The following TNFRSF8 variants were observed in gnomAD, a reference collection of about 807,000 sequenced individuals.
TNFRSF8 encodes tumor necrosis factor receptor superfamily member 8.
TNFRSF8 carries 26 observed loss-of-function variants against 70.8 expected under a neutral mutation model. The observed-to-expected ratio is 0.37, with a 90% CI of 0.27 to 0.51. The LOEUF (loss-of-function observed/expected upper bound fraction) is 0.51, where lower values mean the gene tolerates loss of function less well. TNFRSF8 is among the 20% of genes least tolerant of loss of function. TNFRSF8 has a pLI of 0.94. For synonymous variants in TNFRSF8, 356 were observed against 339.2 expected, an observed-to-expected ratio of 1.05 and a Z score of -0.54; for missense variants, 720 against 807.9, an observed-to-expected ratio of 0.89 and a Z score of 1.32.
chr1:12,094,776 C>T (rs182076820), intron 2 of TNFRSF8, among the ~76,000 whole-genome samples: 5 of 152,104 alleles, frequency 3.3e-5, no homozygotes, highest in East Asian at 3.9e-4. Flanking sequence ...CAGGAGTGTA[C>T]CACCATGCCC....
chr1:12,123,854 A>G (rs1166601825), intron 10 of TNFRSF8, 27 bp downstream of exon 10: 28 of 1,522,248 alleles, frequency 1.8e-5, no homozygotes, highest in Non-Finnish European at 2.0e-5. Context: ...ACTCACCCCT[A>G]CTCCCAGCAG....
intron 2 of TNFRSF8, among the ~76,000 whole-genome samples, chr1:12,089,375 C>G (rs1264729094): frequency 6.6e-6 from 1 of 152,192 alleles, no homozygotes. Context: ...GACAGCCAGC[C>G]ATTGCCTCAC....
rs192018943 is a variant in TNFRSF8, at chr1:12,108,091, T to A, written c.422-1475T>A. On this transcript the variant is annotated intron_variant, in intron 4 of 14. Transcript: ENST00000263932. This position sits in a 1 kb window ranked among gnomAD's most constrained non-coding sequence, Gnocchi z 4.0. The stretch of plus-strand genomic sequence containing the variant: ...AGGCCACCATTTTTTTATTTTTTTT[T>A]TTTTTGTGATGGAGCCTCGATCTGT... Among the ~76,000 whole-genome samples the A allele has an allele frequency of 4.0e-5, 6 of 151,546 alleles. No homozygotes were observed. The highest frequency in any genetic ancestry group is 3.9e-4 in the East Asian group (2 of 5,168).
chr1:12,069,543 G>C (rs374306947), intron 1 of TNFRSF8, among the ~76,000 whole-genome samples: 21 of 152,170 alleles, frequency 1.4e-4, no homozygotes, highest in African/African-American at 4.8e-4. Context: ...GCAATGTGAA[G>C]ACTGTGACTT....
intron 3 of TNFRSF8, 125 bp from the exon 4 acceptor site, chr1:12,104,254 G>T (rs1162974852): frequency 7.3e-6 from 7 of 964,804 alleles, no homozygotes; most frequent in Non-Finnish European, 1.1e-5. Flanking sequence ...GGTCACCAGG[G>T]GGTTGAGCTG....
intron 1 of TNFRSF8, among the ~76,000 whole-genome samples, chr1:12,069,616 C>T (rs1640807779): frequency 6.6e-6 from 1 of 152,218 alleles, no homozygotes; most frequent in African/African-American, 2.4e-5. Flanking sequence ...CCTCACGTAG[C>T]GTGAGCTCAA....
At chr1:12,081,677 G>C (rs1450875872) in intron 1 of TNFRSF8, among the ~76,000 whole-genome samples, 1 of 151,548 alleles carries the variant, frequency 6.6e-6, no homozygotes, top group Non-Finnish European at 1.5e-5. Context: ...AAAGAATGAT[G>C]TAACCAACAC....
intron 4 of TNFRSF8, among the ~76,000 whole-genome samples, chr1:12,105,573 T>TCACACA (rs34007480): frequency 0.046 from 6,736 of 147,344 alleles, 209 homozygotes; most frequent in African/African-American, 0.088. Context: ...TCTCTCTGTC[T>TCACACA]CACACACACA....
At chr1:12,111,872 T>G (rs1386467828) in intron 6 of TNFRSF8, 26 bp from the exon 7 acceptor site, 2 of 1,606,826 alleles carry the variant, frequency 1.2e-6, no homozygotes, top group Non-Finnish European at 1.7e-6. Flanking sequence ...CGGCCTGGCC[T>G]GCAGCTTCTC....
chr1:12,127,279 G>A (rs976724650), intron 12 of TNFRSF8, among the ~76,000 whole-genome samples: 19 of 152,224 alleles, frequency 1.2e-4, no homozygotes, highest in Middle Eastern at 3.2e-3. Context: ...TGCAAGGTGG[G>A]CTCCCATACA....
chr1:12,114,453 T>A (rs1257756089), intron 7 of TNFRSF8, among the ~76,000 whole-genome samples: 1 of 152,098 alleles, frequency 6.6e-6, no homozygotes, highest in Non-Finnish European at 1.5e-5. Context: ...TTGCTCTGGA[T>A]GTTGTAAGAA....
Position 12,111,840 on chromosome 1 carries a change from G to A in TNFRSF8, c.677-58G>A, listed in dbSNP as rs1570044816. On this transcript the variant is annotated intron_variant, in intron 6 of 14. Coordinates refer to ENST00000263932, the MANE Select transcript of TNFRSF8 (RefSeq NM_001243.5). ...GGATGGGGGGCTTCAGGGTTGGGTG[G>A]GGAGTGAGGCCTTTGCCAAGGCGGC... 9.8e-6 allele frequency: 14 copies of A among 1,434,220 alleles called. No individual in the cohort carries two copies. The Middle Eastern group carries it at 5.3e-4, about 54-fold the overall frequency. The allele number at this position is 1,434,220 out of a possible 1,614,324, so 88.8% of individuals were successfully genotyped here. A position where few individuals can be genotyped will look rare whatever the true frequency, so the allele number is the denominator to read the frequency against.
At chr1:12,116,533 G>A (rs1374904684) in intron 8 of TNFRSF8, among the ~76,000 whole-genome samples, 1 of 152,114 alleles carries the variant, frequency 6.6e-6, no homozygotes, top group Non-Finnish European at 1.5e-5. Context: ...AGGCGTGGTG[G>A]CTCACGCCTG....
intron 1 of TNFRSF8, among the ~76,000 whole-genome samples, chr1:12,074,612 G>C (rs549871614): frequency 7.7e-4 from 117 of 152,050 alleles, no homozygotes; most frequent in African/African-American, 2.7e-3. Flanking sequence ...GCAGTTCTGA[G>C]AAAAAAAGGT....
chr1:12,107,335 T>C (rs659876), intron 4 of TNFRSF8, among the ~76,000 whole-genome samples: 69,694 of 151,576 alleles, frequency 0.46, 18,536 homozygotes, highest in African/African-American at 0.74. Context: ...GTGGAGGTTG[T>C]AGTGAGCTGA....
rs925704206 is a variant in TNFRSF8, at chr1:12,138,699, C to T, written c.1543+263C>T. Among the ~76,000 whole-genome samples, 6 of 152,184 alleles carry T rather than the reference C, an allele frequency of 3.9e-5. No individual in the cohort carries two copies. Among genetic ancestry groups the T allele is most frequent in the African/African-American group, 1.2e-4 (5 of 41,428 alleles). Reference sequence around the variant, plus strand: ...ATAAAAAACGAACACCACCCCAGCCCCCAACACCGAGCACCCGAGGGGACA... The same window carrying T: ...ATAAAAAACGAACACCACCCCAGCCTCCAACACCGAGCACCCGAGGGGACA... On this transcript the variant is annotated intron_variant, in intron 14 of 14. Coordinates refer to ENST00000263932, the MANE Select transcript of TNFRSF8 (RefSeq NM_001243.5). The surrounding 1 kb of genome is among the most constrained non-coding windows in gnomAD (Gnocchi z 5.7).
At chr1:12,081,747 A>C (rs1641066629) in intron 1 of TNFRSF8, among the ~76,000 whole-genome samples, 1 of 152,058 alleles carries the variant, frequency 6.6e-6, no homozygotes, top group Non-Finnish European at 1.5e-5. Flanking sequence ...ACATGCCGGA[A>C]GCTTCACTGC....
intron 1 of TNFRSF8, among the ~76,000 whole-genome samples, chr1:12,078,899 T>C (rs141152501): frequency 0.018 from 2,687 of 152,334 alleles, 253 homozygotes; most frequent in Admixed American, 0.15. Flanking sequence ...CTTGTTAAAA[T>C]GCAGATTCCA....
rs547952494 is a variant in TNFRSF8 at position 12,111,851 on chromosome 1, C to T, written c.677-47C>T. The T allele has an allele frequency of 1.9e-5, 30 of 1,570,482 alleles. No homozygotes were observed. In the African/African-American group the frequency reaches 3.2e-4, roughly 17 times the overall value. ...TTCAGGGTTGGGTGGGGAGTGAGGC[C>T]TTTGCCAAGGCGGCCTGGCCTGCAG... On this transcript the variant is annotated intron_variant, in intron 6 of 14. Transcript: ENST00000263932.
Sources: allele counts gnomAD v4.1 joint callset (sites outside exome capture counted in the v4.1 genomes callset), GRCh38; gene constraint gnomAD v4.1.1; non-coding constraint Gnocchi (gnomAD v3.1); transcripts MANE v1.5; gene names NCBI Gene and HGNC (gene_info 2026-07-23, HGNC 2026-07-21).